Variants in ACOXL observed in about 807,000 individuals in gnomAD.
The protein encoded by ACOXL is acyl-coenzyme A oxidase-like protein.
Under a neutral mutation model 71.9 loss-of-function variants are expected in ACOXL, and 70 were observed. That is an observed-to-expected ratio of 0.97 (90% CI 0.80 to 1.19). The LOEUF is 1.19. Among genes scored for constraint, ACOXL ranks in the 50% most tolerant of loss-of-function variants. The pLI is 0.00. For missense variants in ACOXL, 703 were observed against 736.3 expected (o/e 0.95, Z 0.52); for synonymous variants, 253 against 281.6 (o/e 0.90, Z 1.02).
chr2:111,042,613 G>C (rs181762902), intron 15 of ACOXL, among the ~76,000 whole-genome samples: 1 of 152,222 alleles, frequency 6.6e-6, no homozygotes, highest in Admixed American at 6.5e-5. Context: ...TTGGGAGAAA[G>C]GCCAAGAAAC....
rs1347058714 is a variant in ACOXL at position 110,933,407 on chromosome 2, T to G, written c.906-82T>G. On this transcript the variant is annotated intron_variant, in intron 11 of 17. Coordinates refer to ENST00000439055, the MANE Select transcript of ACOXL (RefSeq NM_001142807.4). ...CATATTCTTTCCTCAAATAGCGTTATAGCACTTCACAGATAATGCTCCTTC... is the reference window on the plus strand; with the variant it reads ...CATATTCTTTCCTCAAATAGCGTTAGAGCACTTCACAGATAATGCTCCTTC... The G allele has an allele frequency of 1.3e-5, 19 of 1,488,012 alleles. No individual in the cohort carries two copies. In the East Asian group the frequency reaches 4.1e-4, roughly 32 times the overall value. The allele number at this position is 1,488,012 out of a possible 1,614,324, so 92.2% of individuals were successfully genotyped here.
chr2:111,003,326 G>T (rs111586022), intron 14 of ACOXL, among the ~76,000 whole-genome samples: 1 of 151,884 alleles, frequency 6.6e-6, no homozygotes. Flanking sequence ...AAGGCGGGTG[G>T]ATCACGAGGT....
intron 13 of ACOXL, among the ~76,000 whole-genome samples, chr2:110,993,198 A>C (rs574961550): frequency 1.3e-5 from 2 of 152,374 alleles, no homozygotes; most frequent in African/African-American, 2.4e-5. Context: ...TTAAGTGTAC[A>C]TTCACTGAGT....
At chr2:110,776,772 A>AC (rs1682703136) in intron 2 of ACOXL, among the ~76,000 whole-genome samples, 1 of 151,826 alleles carries the variant, frequency 6.6e-6, no homozygotes, top group African/African-American at 2.4e-5. Flanking sequence ...AAATGGGAGG[A>AC]CTTGGAGGGA....
At chr2:110,757,774 C>T (rs1679892793) in intron 1 of ACOXL, among the ~76,000 whole-genome samples, 1 of 150,876 alleles carries the variant, frequency 6.6e-6, no homozygotes, top group Non-Finnish European at 1.5e-5. Flanking sequence ...TGTTTAAGTT[C>T]CTCATAGACT....
intron 14 of ACOXL, among the ~76,000 whole-genome samples, chr2:111,029,721 C>T (rs2065178577): frequency 6.6e-6 from 1 of 152,176 alleles, no homozygotes; most frequent in South Asian, 2.1e-4. Context: ...GAGCCTCTTG[C>T]CAGCAGGGGT....
intron 11 of ACOXL, among the ~76,000 whole-genome samples, chr2:110,915,757 T>G (rs866086587): frequency 7.9e-5 from 12 of 152,082 alleles, no homozygotes; most frequent in South Asian, 2.1e-4. Context: ...TTACTAGAGT[T>G]AATTGGCTAA....
intron 14 of ACOXL, among the ~76,000 whole-genome samples, chr2:111,020,789 G>A (rs1182736991): frequency 3.3e-5 from 5 of 152,210 alleles, no homozygotes; most frequent in African/African-American, 1.2e-4. Flanking sequence ...GGGCCAGACA[G>A]ATCGTATTCT....
chr2:110,760,449 T>C (rs891521864), intron 1 of ACOXL, among the ~76,000 whole-genome samples: 4 of 152,218 alleles, frequency 2.6e-5, no homozygotes, highest in Non-Finnish European at 5.9e-5. Flanking sequence ...CAGCCAATAT[T>C]ATAGCTAGTT....
At chr2:110,867,148 G>A (rs781250575) in intron 10 of ACOXL, among the ~76,000 whole-genome samples, 1 of 152,184 alleles carries the variant, frequency 6.6e-6, no homozygotes, top group Non-Finnish European at 1.5e-5. Flanking sequence ...AGGTGCGACT[G>A]GAGAATAAGG....
In ACOXL at chr2:110,908,882, C is replaced by T; in HGVS notation, c.882C>T (p.Ala294=). 1 of 1,613,918 alleles carries T rather than the reference C, an allele frequency of 6.2e-7. No individual in the cohort carries two copies. Among genetic ancestry groups the T allele is most frequent in the East Asian group, 2.2e-5 (1 of 44,874 alleles). The change falls in exon 11 of 18, where the codon GCC becomes GCT. Residue 294 remains alanine (A), a synonymous_variant. Coordinates refer to ENST00000439055, the MANE Select transcript of ACOXL (RefSeq NM_001142807.4). ...TLRLMPHLAT[A]LALTFVSRYA... is the part of the protein sequence containing the mutation. Reference sequence around the variant, plus strand: ...GGCTGATGCCCCACCTGGCCACAGCCTTGGCCCTGACCTTCGTCAGCAGGT... The same window carrying T: ...GGCTGATGCCCCACCTGGCCACAGCTTTGGCCCTGACCTTCGTCAGCAGGT...
At chr2:110,813,468 G>C (rs1383381790) in intron 9 of ACOXL, among the ~76,000 whole-genome samples, 2 of 152,128 alleles carry the variant, frequency 1.3e-5, no homozygotes, top group African/African-American at 4.8e-5. Context: ...CTACTACCGG[G>C]AGAACGATGC....
chr2:110,950,834 A>AGAGAGAGAGAGAGAGAGAGAGG (rs1488806652), intron 12 of ACOXL, among the ~76,000 whole-genome samples: 2 of 151,246 alleles, frequency 1.3e-5, no homozygotes, highest in East Asian at 3.9e-4. Flanking sequence ...AGAGAGAGAG[A>AGAGAGAGAGAGAGAGAGAGAGG]GGGAAGTTCT....
chr2:111,051,473 A>G (rs2066285170), intron 16 of ACOXL, among the ~76,000 whole-genome samples: 2 of 152,072 alleles, frequency 1.3e-5, no homozygotes, highest in African/African-American at 2.4e-5. Context: ...GCCAAATATG[A>G]TATATATTTT....
At chr2:110,875,236 G>A (rs1695762666) in intron 10 of ACOXL, among the ~76,000 whole-genome samples, 1 of 152,206 alleles carries the variant, frequency 6.6e-6, no homozygotes, top group Admixed American at 6.5e-5. Context: ...AGTGGAAACT[G>A]CCACCTTTGA....
chr2:111,107,929 G>T (rs992545173), intron 17 of ACOXL, among the ~76,000 whole-genome samples: 6 of 152,158 alleles, frequency 3.9e-5, no homozygotes, highest in African/African-American at 1.4e-4. Context: ...CAATCCCTCT[G>T]TCCTCATAAG....
At chr2:110,817,994 A>G (rs964436746) in intron 9 of ACOXL, among the ~76,000 whole-genome samples, 16 of 150,916 alleles carry the variant, frequency 1.1e-4, no homozygotes, top group African/African-American at 3.9e-4. Flanking sequence ...TCATCAGCCA[A>G]ATTATACCTT....
intron 9 of ACOXL, among the ~76,000 whole-genome samples, chr2:110,811,634 C>T (rs1165327377): frequency 6.6e-6 from 1 of 151,914 alleles, no homozygotes; most frequent in Non-Finnish European, 1.5e-5. Context: ...CAGTTTTATG[C>T]CTTTTCAGGC....
At chr2:110,988,892 T>C (rs1010868124) in intron 13 of ACOXL, among the ~76,000 whole-genome samples, 4 of 150,232 alleles carry the variant, frequency 2.7e-5, no homozygotes, top group Admixed American at 2.0e-4. Context: ...TGTGTGTGTG[T>C]GTCTTGTTCT....
Sources: allele counts gnomAD v4.1 joint callset (sites outside exome capture counted in the v4.1 genomes callset), GRCh38; gene constraint gnomAD v4.1.1; transcripts MANE v1.5; gene names NCBI Gene and HGNC (gene_info 2026-07-23, HGNC 2026-07-21).